The following SDK1 variants were observed in gnomAD, a reference collection of about 807,000 sequenced individuals.
The protein encoded by SDK1 is protein sidekick-1.
A neutral mutation model predicts 245.5 loss-of-function variants in SDK1; 157 were observed. The observed-to-expected ratio is 0.64, with a 90% CI of 0.56 to 0.73. The LOEUF is 0.73. Among genes scored for constraint, SDK1 ranks in the 30% least tolerant of loss-of-function variants. The probability of loss-of-function intolerance (pLI) is 0.00; values close to 1 mark genes in which losing one functional copy is unlikely to be tolerated. For missense variants in SDK1, 3,583 were observed against 3,002.3 expected, an observed-to-expected ratio of 1.19 and a Z score of -4.52; for synonymous variants, 1,647 against 1,278.5, an observed-to-expected ratio of 1.29 and a Z score of -6.15.
At chr7:3,491,015 A>G (rs566124985) in intron 1 of SDK1, among the ~76,000 whole-genome samples, 12 of 152,322 alleles carry the variant, frequency 7.9e-5, no homozygotes, top group African/African-American at 2.6e-4. Flanking sequence ...TGCCTGTGCC[A>G]TGTGCCCTGT....
At chr7:4,246,929 C>G (rs1786906012) in intron 44 of SDK1, among the ~76,000 whole-genome samples, 1 of 152,178 alleles carries the variant, frequency 6.6e-6, no homozygotes, top group South Asian at 2.1e-4. Flanking sequence ...CGAGGGGGCT[C>G]TAAGCAGGGG....
intron 1 of SDK1, among the ~76,000 whole-genome samples, chr7:3,316,895 G>A (rs1779676831): frequency 6.6e-6 from 1 of 151,978 alleles, no homozygotes; most frequent in Non-Finnish European, 1.5e-5. Context: ...AAAGGGTCTG[G>A]GGGTCTGGGT....
chr7:4,125,221 GGATA>G (rs1417291777), intron 25 of SDK1, among the ~76,000 whole-genome samples: 1 of 150,730 alleles, frequency 6.6e-6, no homozygotes, highest in African/African-American at 2.5e-5. Flanking sequence ...ATGGGTAGAT[GGATA>G]GATGGATGAT....
intron 1 of SDK1, among the ~76,000 whole-genome samples, chr7:3,437,876 G>A (rs572212354): frequency 6.6e-6 from 1 of 152,336 alleles, no homozygotes; most frequent in East Asian, 1.9e-4. Flanking sequence ...ACCAAGTGAA[G>A]GGATTACGTA....
chr7:3,912,202 A>G (rs1379689461), intron 5 of SDK1, among the ~76,000 whole-genome samples: 1 of 152,158 alleles, frequency 6.6e-6, no homozygotes, highest in African/African-American at 2.4e-5. Flanking sequence ...GGACTCCGTA[A>G]TAGAGAGGAT....
intron 18 of SDK1, among the ~76,000 whole-genome samples, 173 bp from the exon 19 acceptor site, chr7:4,051,465 A>G (rs908671814): frequency 6.6e-6 from 1 of 151,930 alleles, no homozygotes; most frequent in Non-Finnish European, 1.5e-5. Context: ...AAAAACCTAT[A>G]AAATATATTT....
At position 3,486,933 on chromosome 7, in the gene SDK1, T is replaced by C. The variant is rs1271825787; in HGVS notation, c.299-132147T>C. On this transcript the variant is annotated intron_variant, in intron 1 of 44. Transcript: ENST00000404826. ...TATAAATATTAAAACTATTATTACA[T>C]GTGTAAAGGTTATATTTGCTTTGCT... Among the ~76,000 whole-genome samples, 8 of 152,340 alleles carry C rather than the reference T, an allele frequency of 5.3e-5. No individual in the cohort carries two copies. In the South Asian group the frequency reaches 1.7e-3, roughly 32 times the overall value.
intron 22 of SDK1, among the ~76,000 whole-genome samples, chr7:4,100,506 G>A (rs893096479): frequency 3.9e-5 from 6 of 152,120 alleles, no homozygotes; most frequent in Admixed American, 3.3e-4. Flanking sequence ...CCCCCAAGGC[G>A]AGGGTGTCAG....
intron 14 of SDK1, among the ~76,000 whole-genome samples, chr7:4,006,827 G>T (rs192129712): frequency 3.3e-5 from 5 of 152,330 alleles, no homozygotes; most frequent in Admixed American, 3.3e-4. Context: ...TGAACCCTGA[G>T]GCTGGGGTTC....
At chr7:3,916,144 G>A (rs903815833) in intron 5 of SDK1, among the ~76,000 whole-genome samples, 3 of 152,160 alleles carry the variant, frequency 2.0e-5, no homozygotes, top group Admixed American at 1.3e-4. Context: ...CAAGAGTAGC[G>A]GGGGGTGGGA....
intron 1 of SDK1, among the ~76,000 whole-genome samples, chr7:3,540,875 G>T (rs746292669): frequency 6.6e-6 from 1 of 152,178 alleles, no homozygotes; most frequent in East Asian, 1.9e-4. Flanking sequence ...AAACTGTCAA[G>T]GAATCACTAT....
At chr7:3,303,276 G>C (rs73672076) in intron 1 of SDK1, among the ~76,000 whole-genome samples, 3 of 152,210 alleles carry the variant, frequency 2.0e-5, no homozygotes, top group Non-Finnish European at 4.4e-5. Flanking sequence ...CCAGGTTCAA[G>C]TGAAGAAATC....
At chr7:4,231,329 C>G (rs1010010820) in intron 40 of SDK1, among the ~76,000 whole-genome samples, 4 of 150,998 alleles carry the variant, frequency 2.6e-5, no homozygotes, top group African/African-American at 9.8e-5. Flanking sequence ...TTTGAGAGGC[C>G]AAGGCAGGCA....
intron 17 of SDK1, among the ~76,000 whole-genome samples, chr7:4,043,984 T>C (rs7783162): frequency 0.021 from 3,128 of 152,300 alleles, 111 homozygotes; most frequent in African/African-American, 0.073. Context: ...TCCTTCCTCC[T>C]CTTGTGTTTT....
intron 1 of SDK1, among the ~76,000 whole-genome samples, chr7:3,560,665 C>T (rs187289961): frequency 6.6e-6 from 1 of 152,206 alleles, no homozygotes; most frequent in Admixed American, 6.5e-5. Context: ...GAGCAGGTGG[C>T]ACCCTTCTCA....
intron 4 of SDK1, among the ~76,000 whole-genome samples, chr7:3,722,179 C>T (rs528435351): frequency 6.6e-6 from 1 of 152,206 alleles, no homozygotes; most frequent in East Asian, 1.9e-4. Context: ...CAGGCCAGCC[C>T]AGGTTAGCAG....
Position 4,158,457 on chromosome 7 carries a change from C to T in SDK1, c.4635C>T (p.Pro1545=). Residue 1545 remains proline (P), a synonymous_variant, in exon 31 of 45, where the codon CCC becomes CCT. Coordinates refer to ENST00000404826, the MANE Select transcript of SDK1 (RefSeq NM_152744.4). ...CTCTTCCACATTGCAGACTGAGGCC[C>T]TTCACCTCCTACAAGCTGCGCCTGA... ...ATACVVDRLR[P]FTSYKLRLKA... The T allele has an allele frequency of 6.2e-7, 1 of 1,612,954 alleles. No individual in the cohort carries two copies. The highest frequency in any genetic ancestry group is 1.7e-4 in the Middle Eastern group (1 of 6,060).
At chr7:3,329,564 T>C (rs1418583862) in intron 1 of SDK1, among the ~76,000 whole-genome samples, 1 of 152,146 alleles carries the variant, frequency 6.6e-6, no homozygotes, top group Admixed American at 6.5e-5. Context: ...GAACCATTAA[T>C]CTACTTTGCG....
At chr7:3,552,454 C>A (rs758398583) in intron 1 of SDK1, among the ~76,000 whole-genome samples, 1 of 152,202 alleles carries the variant, frequency 6.6e-6, no homozygotes, top group East Asian at 1.9e-4. Context: ...CTACTAGTTT[C>A]TCACCTACCT....
Sources: allele counts gnomAD v4.1 joint callset (sites outside exome capture counted in the v4.1 genomes callset), GRCh38; gene constraint gnomAD v4.1.1; transcripts MANE v1.5; gene names NCBI Gene and HGNC (gene_info 2026-07-23, HGNC 2026-07-21).